The following ARHGEF12 variants were observed in gnomAD, a reference collection of about 807,000 sequenced individuals.
The protein encoded by ARHGEF12 is Rho guanine nucleotide exchange factor 12.
ARHGEF12 carries 66 observed loss-of-function variants against 211.2 expected under a neutral mutation model. That is an observed-to-expected ratio of 0.31 (90% CI 0.26 to 0.38). The LOEUF is 0.38. Ranked by LOEUF, ARHGEF12 falls within the 10% of genes least tolerant of loss-of-function variation. The pLI is 1.00. For synonymous variants in ARHGEF12, 592 were observed against 638.4 expected, an observed-to-expected ratio of 0.93 and a Z score of 1.09; for missense variants, 1,429 against 1,869.5, an observed-to-expected ratio of 0.76 and a Z score of 4.34.
Position 120,448,958 on chromosome 11 carries a change from T to C in ARHGEF12, c.1738-151T>C. The C allele has an allele frequency of 6.4e-6, 4 of 627,260 alleles. No individual in the cohort carries two copies. The Middle Eastern group carries it at 1.8e-3, about 278-fold the overall frequency. 38.9% of individuals were successfully genotyped at this position (627,260 alleles called of 1,614,324 possible). On this transcript the variant is annotated intron_variant, in intron 20 of 40. Coordinates refer to ENST00000397843, the MANE Select transcript of ARHGEF12 (RefSeq NM_015313.3). ...GTGTACACGGTACTGTGTGCGAACT[T>C]TTAATTAGTGCTCTGTGTGCATACA...
At chr11:120,453,172 C>A (rs192276785) in intron 22 of ARHGEF12, among the ~76,000 whole-genome samples, 16 of 152,198 alleles carry the variant, frequency 1.1e-4, no homozygotes, top group Admixed American at 1.0e-3. Flanking sequence ...TGGGAATAGG[C>A]AGGTTTCTAC....
intron 26 of ARHGEF12, among the ~76,000 whole-genome samples, chr11:120,460,268 G>A (rs538360048): frequency 6.6e-6 from 1 of 152,218 alleles, no homozygotes; most frequent in South Asian, 2.1e-4. Context: ...GGTTTCACAG[G>A]CATGCATTGA....
chr11:120,441,660 G>GTATT, intron 13 of ARHGEF12, 47 bp from the exon 14 acceptor site: 3 of 1,455,468 alleles, frequency 2.1e-6, no homozygotes, highest in Non-Finnish European at 2.9e-6. Flanking sequence ...TTTGCATTTA[G>GTATT]TATTTGTATG....
At chr11:120,456,043 A>G (rs923394807) in intron 22 of ARHGEF12, among the ~76,000 whole-genome samples, 1 of 152,192 alleles carries the variant, frequency 6.6e-6, no homozygotes, top group Non-Finnish European at 1.5e-5. Flanking sequence ...CCTAACTAGT[A>G]TATTTCTTAA....
intron 1 of ARHGEF12, among the ~76,000 whole-genome samples, chr11:120,392,858 T>C (rs1327621424): frequency 6.6e-6 from 1 of 152,240 alleles, no homozygotes; most frequent in African/African-American, 2.4e-5. Context: ...GTTTCTACTT[T>C]TATTGGCTTT....
chr11:120,365,766 T>C (rs1943405572), intron 1 of ARHGEF12: 2 of 152,164 alleles, frequency 1.3e-5, no homozygotes, highest in South Asian at 4.1e-4. Flanking sequence ...CCCAACCAGT[T>C]TATTTGCACC....
chr11:120,399,346 A>AAAAAAAAAG, intron 1 of ARHGEF12, among the ~76,000 whole-genome samples: 1 of 149,064 alleles, frequency 6.7e-6, no homozygotes, highest in Non-Finnish European at 1.5e-5. Context: ...AAAAAAAAAA[A>AAAAAAAAAG]AAAAAGAAAA....
chr11:120,480,715 A>G (rs1947208545), intron 38 of ARHGEF12, among the ~76,000 whole-genome samples: 1 of 141,606 alleles, frequency 7.1e-6, no homozygotes, highest in Non-Finnish European at 1.6e-5. Flanking sequence ...AATAGACTTC[A>G]GGAAGTATTA....
At chr11:120,366,903 C>T (rs1199229356) in intron 1 of ARHGEF12, among the ~76,000 whole-genome samples, 4 of 152,124 alleles carry the variant, frequency 2.6e-5, no homozygotes, top group Admixed American at 6.5e-5. Flanking sequence ...GCAATCCCAG[C>T]TACTTGGGAG....
At chr11:120,484,837 A>ATAG (rs1947358375) in intron 40 of ARHGEF12, among the ~76,000 whole-genome samples, 1 of 152,080 alleles carries the variant, frequency 6.6e-6, no homozygotes, top group East Asian at 1.9e-4. Flanking sequence ...CCTAGTGTGG[A>ATAG]GGATTTGGCC....
chr11:120,339,005 CTTTT>C (rs906260027), intron 1 of ARHGEF12, among the ~76,000 whole-genome samples: 4 of 121,986 alleles, frequency 3.3e-5, no homozygotes, highest in Non-Finnish European at 3.3e-5. Flanking sequence ...TTTTCTTTTT[CTTTT>C]TTTTTTTTTT....
At position 120,429,898 on chromosome 11, in the gene ARHGEF12, A is replaced by G. The variant is rs116659022; in HGVS notation, c.783+67A>G. On this transcript the variant is annotated intron_variant, in intron 10 of 40. Transcript: ENST00000397843. Reference sequence around the variant, plus strand: ...GAATTTTCTTCTGGGAATGTGTCAGAGAATGTTGCAGTTGCCTTTTTTAAA... The same window carrying G: ...GAATTTTCTTCTGGGAATGTGTCAGGGAATGTTGCAGTTGCCTTTTTTAAA... 26 of 1,536,988 alleles carry G rather than the reference A, an allele frequency of 1.7e-5. No homozygotes were observed. In the Middle Eastern group the frequency reaches 6.9e-4, roughly 41 times the overall value.
intron 1 of ARHGEF12, among the ~76,000 whole-genome samples, chr11:120,351,442 TATATATA>T (rs1942957822): frequency 2.3e-4 from 1 of 4,292 alleles, no homozygotes; most frequent in Non-Finnish European, 3.6e-4. Context: ...TATATATATA[TATATATA>T]TATATATTTT....
At chr11:120,466,784 C>G (rs908843560) in intron 28 of ARHGEF12, among the ~76,000 whole-genome samples, 6 of 152,212 alleles carry the variant, frequency 3.9e-5, no homozygotes, top group Non-Finnish European at 7.3e-5. Flanking sequence ...GATGAGCTGG[C>G]ATACTCGACT....
intron 1 of ARHGEF12, among the ~76,000 whole-genome samples, chr11:120,374,583 G>A (rs1173262926): frequency 6.6e-6 from 1 of 152,000 alleles, no homozygotes; most frequent in Admixed American, 6.6e-5. Context: ...ATGGCCTTAC[G>A]GATTTTAAAT....
Position 120,485,187 on chromosome 11 carries a change from C to A in ARHGEF12, c.*110C>A, listed in dbSNP as rs1947367347. The A allele has an allele frequency of 1.4e-6, 2 of 1,412,834 alleles. No individual in the cohort carries two copies. Among genetic ancestry groups the A allele is most frequent in the Non-Finnish European group, 2.0e-6 (2 of 1,008,266 alleles). The allele number at this position is 1,412,834 out of a possible 1,614,324, so 87.5% of individuals were successfully genotyped here. ...CAGAGAGAGTGTGACAGAGGATCTG[C>A]CTGTGAACCACCTGGGATTAGTCAA... On this transcript the variant is annotated 3_prime_UTR_variant, in exon 41 of 41. Coordinates refer to ENST00000397843, the MANE Select transcript of ARHGEF12 (RefSeq NM_015313.3).
chr11:120,443,153 C>T (rs1945934576), intron 15 of ARHGEF12, among the ~76,000 whole-genome samples: 4 of 151,896 alleles, frequency 2.6e-5, no homozygotes. Context: ...TCCCAAGTAG[C>T]TGGGACTACA....
At chr11:120,457,904 T>C (rs1370104489) in intron 24 of ARHGEF12, 148 bp downstream of exon 24, 1 of 1,135,912 alleles carries the variant, frequency 8.8e-7, no homozygotes, top group Non-Finnish European at 1.2e-6. Flanking sequence ...ACACTGGTCA[T>C]TCAAAAGCTG....
chr11:120,456,692 G>GT (rs1946371695), intron 22 of ARHGEF12, among the ~76,000 whole-genome samples: 1 of 152,150 alleles, frequency 6.6e-6, no homozygotes, highest in Non-Finnish European at 1.5e-5. Context: ...TTAAGAAACA[G>GT]TTTTAAAAAT....
Sources: allele counts gnomAD v4.1 joint callset (sites outside exome capture counted in the v4.1 genomes callset), GRCh38; gene constraint gnomAD v4.1.1; transcripts MANE v1.5; gene names NCBI Gene and HGNC (gene_info 2026-07-23, HGNC 2026-07-21).